TENM2: variants seen among roughly 807,000 people sequenced by gnomAD.
TENM2 encodes teneurin-2.
In TENM2, 52 loss-of-function variants were observed where a neutral mutation model predicts 245.2. The observed-to-expected ratio is 0.21, with a 90% CI of 0.17 to 0.27. TENM2 has a LOEUF of 0.27. Among genes scored for constraint, TENM2 ranks in the 10% least tolerant of loss-of-function variants. The probability of loss-of-function intolerance (pLI) is 1.00; values close to 1 mark genes in which losing one functional copy is unlikely to be tolerated. For synonymous variants in TENM2, 1,363 were observed against 1,438.9 expected (o/e 0.95, Z 1.19); for missense variants, 3,046 against 3,666.8 (o/e 0.83, Z 4.37).
upstream of TENM2, among the ~76,000 whole-genome samples, chr5:167,282,889 T>C (rs1771137221): frequency 6.6e-6 from 1 of 152,112 alleles, no homozygotes; most frequent in Non-Finnish European, 1.5e-5. Flanking sequence ...CTTAATGTCC[T>C]CTAAGCAGGT....
At chr5:167,163,422 A>T in the TENM2 span, among the ~76,000 whole-genome samples, 1 of 152,162 alleles carries the variant, frequency 6.6e-6, no homozygotes, top group Admixed American at 6.5e-5. Context: ...ATGAATACAC[A>T]TTCTTCTCGG....
intron 2 of TENM2, among the ~76,000 whole-genome samples, chr5:167,733,143 AG>A (rs1215593953): frequency 4.6e-5 from 7 of 152,178 alleles, no homozygotes; most frequent in Non-Finnish European, 8.8e-5. Context: ...GCATATTCCC[AG>A]GCAGTGGCGG....
chr5:167,107,111 A>G, the TENM2 span, among the ~76,000 whole-genome samples: 1 of 146,242 alleles, frequency 6.8e-6, no homozygotes, highest in African/African-American at 2.6e-5. Flanking sequence ...AAAAAAAAAA[A>G]TTAGCCAGGC....
chr5:167,378,938 C>CA (rs147822855), intron 2 of TENM2, among the ~76,000 whole-genome samples: 4,559 of 125,774 alleles, frequency 0.036, 187 homozygotes, highest in African/African-American at 0.12. Flanking sequence ...AGGGAAAAAA[C>CA]AAAAAAACAA....
intron 15 of TENM2, among the ~76,000 whole-genome samples, chr5:168,198,247 G>A (rs921169338): frequency 7.1e-6 from 1 of 141,582 alleles, no homozygotes; most frequent in African/African-American, 2.7e-5. Flanking sequence ...CCAGGCTGGA[G>A]TACAGTGGCG....
chr5:168,258,701 C>T (rs181380746), intron 27 of TENM2, among the ~76,000 whole-genome samples: 146 of 152,142 alleles, frequency 9.6e-4, no homozygotes, highest in Middle Eastern at 3.4e-3. Context: ...CCCATACAGA[C>T]AGAAAGCAGT....
intron 25 of TENM2, among the ~76,000 whole-genome samples, chr5:168,230,378 A>G (rs1170098549): frequency 6.6e-6 from 1 of 152,226 alleles, no homozygotes; most frequent in African/African-American, 2.4e-5. Flanking sequence ...CATCTCATTT[A>G]TTTTAATTCA....
chr5:167,354,257 C>A (rs1759167277), intron 1 of TENM2, among the ~76,000 whole-genome samples: 1 of 152,204 alleles, frequency 6.6e-6, no homozygotes, highest in Admixed American at 6.5e-5. Flanking sequence ...CAATTCTCTA[C>A]TTCTTTAAAT....
At chr5:168,246,148 G>A (rs1378647069) in intron 26 of TENM2, among the ~76,000 whole-genome samples, 1 of 150,878 alleles carries the variant, frequency 6.6e-6, no homozygotes, top group Non-Finnish European at 1.5e-5. Context: ...CAGGAGAATC[G>A]CTTGAACCCA....
chr5:168,219,824 C>CAAAAAAAAAAAAAAA (rs70976468), intron 23 of TENM2, among the ~76,000 whole-genome samples: 1 of 49,818 alleles, frequency 2.0e-5, no homozygotes, highest in Admixed American at 2.9e-4. Flanking sequence ...GTTGGCACAG[C>CAAAAAAAAAAAAAAA]AAAAAAAAAA....
At chr5:168,030,834 C>T (rs2151951691) in intron 5 of TENM2, among the ~76,000 whole-genome samples, 1 of 152,280 alleles carries the variant, frequency 6.6e-6, no homozygotes, top group South Asian at 2.1e-4. Context: ...GTTTTTTACA[C>T]AGTGGCATCT....
the TENM2 span, among the ~76,000 whole-genome samples, chr5:167,223,379 A>T: frequency 6.6e-6 from 1 of 151,736 alleles, no homozygotes; most frequent in Non-Finnish European, 1.5e-5. Context: ...ATCTATCATT[A>T]CACTTTCTAA....
At chr5:167,444,974 A>G (rs1206470801) in intron 2 of TENM2, among the ~76,000 whole-genome samples, 1 of 152,156 alleles carries the variant, frequency 6.6e-6, no homozygotes, top group East Asian at 1.9e-4. Context: ...ATTTGGAAGA[A>G]TAAGTACAAT....
the TENM2 span, among the ~76,000 whole-genome samples, chr5:167,069,348 G>A: frequency 6.6e-6 from 1 of 151,992 alleles, no homozygotes; most frequent in Non-Finnish European, 1.5e-5. Flanking sequence ...TATGTTTAAC[G>A]GTAGAAAAGT....
chr5:167,844,709 T>C (rs1561846545), intron 2 of TENM2, among the ~76,000 whole-genome samples: 1 of 152,178 alleles, frequency 6.6e-6, no homozygotes, highest in South Asian at 2.1e-4. Flanking sequence ...GACAAACTCA[T>C]GTGCATAAGC....
the TENM2 span, among the ~76,000 whole-genome samples, chr5:167,185,344 AT>A: frequency 6.6e-6 from 1 of 152,172 alleles, no homozygotes. Flanking sequence ...CTGATGTGAT[AT>A]TGTAAATGAC....
chr5:167,539,102 T>C (rs1398615123), intron 2 of TENM2, among the ~76,000 whole-genome samples: 1 of 152,162 alleles, frequency 6.6e-6, no homozygotes, highest in African/African-American at 2.4e-5. Context: ...TAATTTGTGA[T>C]ATGACCAGCA....
chr5:167,692,000 C>T (rs976210630), intron 2 of TENM2, among the ~76,000 whole-genome samples: 1 of 152,158 alleles, frequency 6.6e-6, no homozygotes, highest in East Asian at 1.9e-4. Context: ...GTACCTCCTT[C>T]TTGACCCTCT....
At chr5:167,751,810 A>G (rs1412606845) in intron 2 of TENM2, among the ~76,000 whole-genome samples, 2 of 151,964 alleles carry the variant, frequency 1.3e-5, no homozygotes, top group Non-Finnish European at 2.9e-5. Flanking sequence ...AGCAGGTTTT[A>G]TGGTTATATA....
Sources: gnomAD v4.1 joint callset for allele counts (sites outside exome capture counted in the v4.1 genomes callset) on GRCh38, gnomAD v4.1.1 for gene constraint, MANE v1.5 for transcripts, NCBI Gene and HGNC (gene_info 2026-07-23, HGNC 2026-07-21) for gene names.